The following CYP3A7 variants were observed in gnomAD, a reference collection of about 807,000 sequenced individuals.
CYP3A7 encodes cytochrome P450 family 3 subfamily A member 7, also known as cytochrome P450 3A7.
CYP3A7 carries 45 observed loss-of-function variants against 55.2 expected under a neutral mutation model. That is an observed-to-expected ratio of 0.82 (90% confidence interval 0.64 to 1.05). CYP3A7 has a LOEUF of 1.05. Ranked by LOEUF, CYP3A7 falls within the 50% of genes least tolerant of loss-of-function variation. The probability of loss-of-function intolerance (pLI) is 0.00; values close to 1 mark genes in which losing one functional copy is unlikely to be tolerated. For synonymous variants in CYP3A7, 180 were observed against 207.4 expected, an observed-to-expected ratio of 0.87 and a Z score of 1.13; for missense variants, 548 against 605.3, an observed-to-expected ratio of 0.91 and a Z score of 0.99.
chr7:99,730,936 A>T, intron 2 of CYP3A7, 123 bp downstream of exon 2: 1 of 1,315,806 alleles, frequency 7.6e-7, no homozygotes, highest in Non-Finnish European at 1.1e-6. Flanking sequence ...GGTGATGCCT[A>T]CACGCTATTT....
chr7:99,732,726 G>A (rs115218524), intron 1 of CYP3A7, among the ~76,000 whole-genome samples: 47 of 152,212 alleles, frequency 3.1e-4, no homozygotes, highest in African/African-American at 1.1e-3. Context: ...CACAAGCTTG[G>A]CCCCAGACAG....
At chr7:99,726,022 T>G (rs1814397225) in intron 2 of CYP3A7, among the ~76,000 whole-genome samples, 1 of 152,196 alleles carries the variant, frequency 6.6e-6, no homozygotes, top group Admixed American at 6.5e-5. Flanking sequence ...GCCAGTTCCC[T>G]TATTAGGCTG....
At chr7:99,730,912 T>A in intron 2 of CYP3A7, 147 bp downstream of exon 2, 1 of 1,087,138 alleles carries the variant, frequency 9.2e-7, no homozygotes, top group East Asian at 2.7e-5. Context: ...CAGGGTAAAC[T>A]TTGCCACGCT....
chr7:99,728,732 G>A (rs1201842001), intron 2 of CYP3A7, among the ~76,000 whole-genome samples: 2 of 152,190 alleles, frequency 1.3e-5, no homozygotes, highest in Non-Finnish European at 2.9e-5. Flanking sequence ...ACAAAAATGA[G>A]TTATTCCTCT....
intron 11 of CYP3A7, among the ~76,000 whole-genome samples, chr7:99,708,542 G>GTTT (rs532757993): frequency 7.0e-4 from 106 of 151,552 alleles, no homozygotes; most frequent in African/African-American, 2.5e-3. Flanking sequence ...CCATAGAATA[G>GTTT]TTTAAGTCAG....
At position 99,717,440 on chromosome 7, in the gene CYP3A7, G is replaced by A. The variant is rs1814002178; in HGVS notation, c.432+86C>T. 23 of 1,589,092 alleles carry A rather than the reference G, an allele frequency of 1.4e-5. No homozygotes were observed. The South Asian group carries it at 1.5e-4, about 10-fold the overall frequency. ...GCTCAAATTCAGCAGACTACTCCTCGGAAAGGAACTCTGATCTTACTTTCT... is the reference window on the plus strand; with the variant it reads ...GCTCAAATTCAGCAGACTACTCCTCAGAAAGGAACTCTGATCTTACTTTCT... On this transcript the variant is annotated intron_variant, in intron 5 of 12. Transcript: ENST00000336374.
intron 3 of CYP3A7, 194 bp from the exon 4 acceptor site, chr7:99,720,606 C>T (rs889451175): frequency 4.1e-5 from 23 of 559,768 alleles, no homozygotes; most frequent in African/African-American, 3.8e-4. Context: ...AGTCTTCATA[C>T]GATGAAGGGT....
chr7:99,715,344 C>A, intron 7 of CYP3A7: 1 of 231,328 alleles, frequency 4.3e-6, no homozygotes, highest in African/African-American at 2.3e-5. Context: ...ACATTCATGC[C>A]ACAACACAGT....
chr7:99,705,352 A>C lies in CYP3A7; in HGVS notation c.*148T>G. ...CTCTATACAGACCATGAGAGAGCACAATGCACGTACAGAATCCCTGATTAT... is the reference window on the plus strand; with the variant it reads ...CTCTATACAGACCATGAGAGAGCACCATGCACGTACAGAATCCCTGATTAT... On this transcript the variant is annotated 3_prime_UTR_variant, in exon 13 of 13. Coordinates refer to ENST00000336374, the MANE Select transcript of CYP3A7 (RefSeq NM_000765.5). The C allele has an allele frequency of 4.6e-6, 4 of 868,328 alleles. No homozygotes were observed. The highest frequency in any genetic ancestry group is 7.3e-6 in the Non-Finnish European group (4 of 548,626). The allele number at this position is 868,328 out of a possible 1,614,324, so 53.8% of individuals were successfully genotyped here. A position where few individuals can be genotyped will look rare whatever the true frequency, so the allele number is the denominator to read the frequency against.
rs778193209 is a variant in CYP3A7 at position 99,714,661 on chromosome 7, G to A, written c.692C>T (p.Pro231Leu). The stretch of plus-strand genomic sequence containing the variant: ...AGTGATATTTAATGCTTCAAGAATT[G>A]GGGTAAGGAATGGAAAGACTTCTGT... ...LSIKVFPFLT[P>L]ILEALNITVF... The change falls in exon 8 of 13, where the codon CCA becomes CTA. Residue 231 changes from proline to leucine, a missense_variant. Coordinates refer to ENST00000336374, the MANE Select transcript of CYP3A7 (RefSeq NM_000765.5). 20 of 1,612,360 alleles carry A rather than the reference G, an allele frequency of 1.2e-5. 2 individuals are homozygous for A. In the Middle Eastern group the frequency reaches 1.7e-3, roughly 133 times the overall value.
rs879035840 is a variant in CYP3A7, at chr7:99,717,353, G to A, written c.433-88C>T. On this transcript the variant is annotated intron_variant, in intron 5 of 12. Transcript: ENST00000336374. Reference sequence around the variant, plus strand: ...GACTTTGCCTGGCATGGAACAATAAGTGACATTGTATAATGAATTTTATGA... The same window carrying A: ...GACTTTGCCTGGCATGGAACAATAAATGACATTGTATAATGAATTTTATGA... 7.5e-6 allele frequency: 12 copies of A among 1,605,822 alleles called. No individual in the cohort carries two copies. The South Asian group carries it at 1.2e-4, about 16-fold the overall frequency.
chr7:99,728,864 A>G (rs1457957305), intron 2 of CYP3A7, among the ~76,000 whole-genome samples: 4 of 151,940 alleles, frequency 2.6e-5, no homozygotes, highest in Admixed American at 2.6e-4. Flanking sequence ...TTCTGCTAGC[A>G]TTACAGATAC....
At chr7:99,718,459 C>T (rs765403889) in intron 4 of CYP3A7, among the ~76,000 whole-genome samples, 12 of 152,102 alleles carry the variant, frequency 7.9e-5, no homozygotes, top group Non-Finnish European at 1.6e-4. Flanking sequence ...TCTTCCACAG[C>T]CATATTTTGT....
At chr7:99,712,558 A>G (rs1357319) in intron 9 of CYP3A7, among the ~76,000 whole-genome samples, 2 of 152,078 alleles carry the variant, frequency 1.3e-5, no homozygotes, top group African/African-American at 4.8e-5. Context: ...ACAGTAGGCT[A>G]TTTCCTTTAT....
intron 12 of CYP3A7, among the ~76,000 whole-genome samples, chr7:99,706,032 G>A (rs1204980332): frequency 2.0e-5 from 3 of 152,128 alleles, no homozygotes; most frequent in Admixed American, 6.6e-5. Flanking sequence ...TTAATTATGT[G>A]GACAGTCTTC....
At chr7:99,708,940 A>C in intron 11 of CYP3A7, 95 bp downstream of exon 11, 3 of 1,375,780 alleles carry the variant, frequency 2.2e-6, no homozygotes, top group African/African-American at 1.4e-5. Context: ...AAAGACAAGC[A>C]AACGATTGTA....
At chr7:99,718,421 A>G (rs989357819) in intron 4 of CYP3A7, among the ~76,000 whole-genome samples, 22 of 152,208 alleles carry the variant, frequency 1.4e-4, no homozygotes, top group African/African-American at 4.8e-4. Context: ...CTGGCCTATC[A>G]AGCCAGCATG....
rs760875340 is a variant in CYP3A7, at chr7:99,731,064, G to A, written c.160C>T (p.Arg54Cys). 3 of 1,613,712 alleles carry A rather than the reference G, an allele frequency of 1.9e-6. No homozygotes were observed. Among genetic ancestry groups the A allele is most frequent in the East Asian group, 2.2e-5 (1 of 44,828 alleles). Residue 54 changes from arginine to cysteine, a missense_variant, in exon 2 of 13, where the codon CGT (arginine) becomes TGT (cysteine). Transcript: ENST00000336374. ...LPFLGNALSFRKGYWTFDMEC... is the reference protein window; with the variant it reads ...LPFLGNALSFCKGYWTFDMEC... ...GGAAGCTCAAAAACACTCACCTTAC[G>A]GAAGGACAAAGCATTTCCCAAAAAA... is the stretch of plus-strand genomic sequence containing the variant.
chr7:99,729,356 C>A (rs552847680), intron 2 of CYP3A7, among the ~76,000 whole-genome samples: 1 of 152,276 alleles, frequency 6.6e-6, no homozygotes, highest in South Asian at 2.1e-4. Flanking sequence ...ATAAAATTTT[C>A]TTTAAGGTGT....
Sources: allele counts gnomAD v4.1 joint callset (sites outside exome capture counted in the v4.1 genomes callset), GRCh38; gene constraint gnomAD v4.1.1; transcripts MANE v1.5; gene names NCBI Gene and HGNC (gene_info 2026-07-23, HGNC 2026-07-21).